Variants in GRIA2 observed in about 807,000 individuals in gnomAD.
GRIA2 encodes the protein glutamate ionotropic receptor AMPA type subunit 2, also known as glutamate receptor 2.
Under a neutral mutation model 97.3 loss-of-function variants are expected in GRIA2, and 14 were observed. That is an observed-to-expected ratio of 0.14 (90% CI 0.10 to 0.23). The LOEUF is 0.23. Ranked by LOEUF, GRIA2 falls within the 10% of genes least tolerant of loss-of-function variation. The pLI is 1.00. For missense variants in GRIA2, 558 were observed against 1,069.8 expected (o/e 0.52, Z 6.67); for synonymous variants, 412 against 387.8 (o/e 1.06, Z -0.73).
chr4:157,351,778 G>A (rs1736020540), intron 12 of GRIA2, among the ~76,000 whole-genome samples: 1 of 152,110 alleles, frequency 6.6e-6, no homozygotes, highest in Non-Finnish European at 1.5e-5. Context: ...TTTATAAGTG[G>A]CTCTTACCCT....
intron 3 of GRIA2, among the ~76,000 whole-genome samples, chr4:157,312,101 AATAAC>A (rs1337416591): frequency 1.3e-5 from 2 of 152,048 alleles, no homozygotes; most frequent in Admixed American, 6.6e-5. Flanking sequence ...TAACAAAAAA[AATAAC>A]ATAACAGAAG....
At chr4:157,356,508 G>T (rs1736384947) in intron 12 of GRIA2, among the ~76,000 whole-genome samples, 1 of 151,968 alleles carries the variant, frequency 6.6e-6, no homozygotes, top group South Asian at 2.1e-4. Context: ...AAATGTAGAT[G>T]TTGCTTATGA....
At chr4:157,300,463 C>T (rs1196450320) in intron 2 of GRIA2, among the ~76,000 whole-genome samples, 2 of 152,164 alleles carry the variant, frequency 1.3e-5, no homozygotes, top group South Asian at 2.1e-4. Context: ...CTGTAAATCT[C>T]AGTGGCATTC....
intron 3 of GRIA2, among the ~76,000 whole-genome samples, chr4:157,306,975 A>G (rs1056647574): frequency 2.6e-5 from 4 of 152,136 alleles, no homozygotes; most frequent in African/African-American, 7.2e-5. Flanking sequence ...TTAGATCTCT[A>G]CATGCCTCAG....
chr4:157,225,621 CTT>C lies in GRIA2; in HGVS notation c.229+3827_229+3828del, dbSNP rs34394801. ...AAATGACTGCTTTTTTTCATGTTAA[CTT>C]TTTTTTTTTTTTCTAGCCTTTTCCC... On this transcript the variant is annotated intron_variant, in intron 2 of 15. Transcript: ENST00000264426. Among the ~76,000 whole-genome samples the C allele has an allele frequency of 7.9e-3, 1,139 of 143,982 alleles. 6 individuals carry two copies. Among genetic ancestry groups the C allele is most frequent in the African/African-American group, 0.022 (868 of 39,322 alleles). 94.5% of individuals were successfully genotyped at this position (143,982 alleles called of 152,430 possible).
chr4:157,223,044 C>A (rs548543629), intron 2 of GRIA2, among the ~76,000 whole-genome samples: 1 of 152,174 alleles, frequency 6.6e-6, no homozygotes, highest in African/African-American at 2.4e-5. Context: ...GGCTCACTTC[C>A]CACTTTGGCT....
chr4:157,266,978 G>A (rs1003291221), intron 2 of GRIA2, among the ~76,000 whole-genome samples: 1 of 151,906 alleles, frequency 6.6e-6, no homozygotes, highest in South Asian at 2.1e-4. Context: ...TTTGAGAGAC[G>A]TAGGCAGAAG....
At chr4:157,353,016 C>A (rs144642061) in intron 12 of GRIA2, among the ~76,000 whole-genome samples, 1 of 151,626 alleles carries the variant, frequency 6.6e-6, no homozygotes, top group Non-Finnish European at 1.5e-5. Context: ...CGAGATCGTG[C>A]CACTGCACTT....
chr4:157,258,392 G>A (rs1350844849), intron 2 of GRIA2, among the ~76,000 whole-genome samples: 1 of 151,986 alleles, frequency 6.6e-6, no homozygotes, highest in African/African-American at 2.4e-5. Context: ...TTGAAGATAA[G>A]GGATGAAATA....
chr4:157,272,568 T>C (rs1732082713), intron 2 of GRIA2, among the ~76,000 whole-genome samples: 1 of 152,112 alleles, frequency 6.6e-6, no homozygotes, highest in Non-Finnish European at 1.5e-5. Flanking sequence ...ATCACTTTAA[T>C]GTGTTTCACC....
chr4:157,335,911 C>A, intron 10 of GRIA2, 34 bp downstream of exon 10: 1 of 1,361,536 alleles, frequency 7.3e-7, no homozygotes, highest in Non-Finnish European at 1.0e-6. Context: ...TAAAGTCATT[C>A]AATTTGAATT....
chr4:157,291,817 C>A (rs1307057660), intron 2 of GRIA2, among the ~76,000 whole-genome samples: 1 of 151,692 alleles, frequency 6.6e-6, no homozygotes, highest in Non-Finnish European at 1.5e-5. Context: ...CCAAAAGAAT[C>A]AACCCAAAAG....
intron 6 of GRIA2, among the ~76,000 whole-genome samples, chr4:157,324,579 GGAA>G (rs1398161812): frequency 1.3e-5 from 2 of 152,136 alleles, no homozygotes; most frequent in African/African-American, 4.8e-5. Context: ...AGTTGCTTGG[GGAA>G]GTGCAAAATG....
chr4:157,303,140 T>G (rs1444076892), intron 2 of GRIA2, among the ~76,000 whole-genome samples: 1 of 152,178 alleles, frequency 6.6e-6, no homozygotes, highest in African/African-American at 2.4e-5. Flanking sequence ...TGTAAAAGCA[T>G]CATAAATACA....
intron 12 of GRIA2, among the ~76,000 whole-genome samples, chr4:157,344,551 T>C (rs967514299): frequency 5.3e-5 from 8 of 152,070 alleles, no homozygotes; most frequent in Admixed American, 5.3e-4. Context: ...CCTAGTAAAA[T>C]AGCAGATTAC....
At chr4:157,262,766 A>T (rs1318397282) in intron 2 of GRIA2, among the ~76,000 whole-genome samples, 1 of 151,936 alleles carries the variant, frequency 6.6e-6, no homozygotes, top group African/African-American at 2.4e-5. Context: ...TCTCTCTCTC[A>T]TTAACCCCTA....
chr4:157,309,284 A>G (rs1222040735), intron 3 of GRIA2, among the ~76,000 whole-genome samples: 1 of 151,960 alleles, frequency 6.6e-6, no homozygotes, highest in Non-Finnish European at 1.5e-5. Flanking sequence ...TCCTGAATCC[A>G]CAGCCACTGT....
At chr4:157,339,927 A>G (rs2126948577) in intron 11 of GRIA2, among the ~76,000 whole-genome samples, 1 of 151,848 alleles carries the variant, frequency 6.6e-6, no homozygotes, top group East Asian at 1.9e-4. Flanking sequence ...CCATCCTTTC[A>G]TATTTATTTT....
At position 157,364,003 on chromosome 4, in the gene GRIA2, CA is replaced by C. The variant is rs1279032931; in HGVS notation, c.*575del. On this transcript the variant is annotated 3_prime_UTR_variant, in exon 16 of 16. Coordinates refer to ENST00000264426, the MANE Select transcript of GRIA2 (RefSeq NM_001083619.3). ...TAAAAAATATTTTTAGGTATTTTCA[CA>C]AACAAACTGGCTTTTAAATAAATTT... 6.5e-6 allele frequency: 1 copy of C among 153,388 alleles called. No homozygotes were observed. The highest frequency in any genetic ancestry group is 1.5e-5 in the Non-Finnish European group (1 of 68,712). The allele number at this position is 153,388 out of a possible 1,614,324, so 9.5% of individuals were successfully genotyped here.
Sources: allele counts gnomAD v4.1 joint callset (sites outside exome capture counted in the v4.1 genomes callset), GRCh38; gene constraint gnomAD v4.1.1; transcripts MANE v1.5; gene names NCBI Gene and HGNC (gene_info 2026-07-23, HGNC 2026-07-21).